CTSO: variants seen among roughly 807,000 people sequenced by gnomAD.
CTSO encodes the protein cathepsin O.
CTSO carries 40 observed loss-of-function variants against 42.4 expected under a neutral mutation model. That is an observed-to-expected ratio of 0.94 (90% CI 0.73 to 1.23). The LOEUF (loss-of-function observed/expected upper bound fraction) is 1.23. Among genes scored for constraint, CTSO ranks in the 50% most tolerant of loss-of-function variants. CTSO has a pLI of 0.00. For synonymous variants in CTSO, 156 were observed against 146.2 expected, an observed-to-expected ratio of 1.07 and a Z score of -0.48; for missense variants, 441 against 396.0, an observed-to-expected ratio of 1.11 and a Z score of -0.96.
chr4:155,926,945 G>A (rs537242689), intron 7 of CTSO, among the ~76,000 whole-genome samples: 8 of 152,232 alleles, frequency 5.3e-5, no homozygotes, highest in South Asian at 4.2e-4. Context: ...TGCTGCAGTC[G>A]GACATAATAT....
chr4:155,935,152 G>A (rs1410377879), intron 5 of CTSO, among the ~76,000 whole-genome samples: 4 of 152,076 alleles, frequency 2.6e-5, no homozygotes, highest in African/African-American at 4.8e-5. Flanking sequence ...TGGGTTTATC[G>A]GGGGTTACGC....
In CTSO at chr4:155,943,271, GA is replaced by G; in HGVS notation, c.136-8del. ...GATGTCTATTAAGACTTTCCTAGAAGAAAAACAAAAACTATTTCATATCCAC... is the reference window on the plus strand; with the variant it reads ...GATGTCTATTAAGACTTTCCTAGAAGAAAACAAAAACTATTTCATATCCAC... On this transcript the variant is annotated splice_region_variant and splice_polypyrimidine_tract_variant and intron_variant, in intron 1 of 7. Coordinates refer to ENST00000433477, the MANE Select transcript of CTSO (RefSeq NM_001334.3). The G allele has an allele frequency of 6.4e-7, 1 of 1,552,152 alleles. No homozygotes were observed. Among genetic ancestry groups the G allele is most frequent in the East Asian group, 2.2e-5 (1 of 44,484 alleles).
At chr4:155,948,548 G>A (rs546034275) in intron 1 of CTSO, among the ~76,000 whole-genome samples, 21 of 152,328 alleles carry the variant, frequency 1.4e-4, no homozygotes, top group African/African-American at 5.1e-4. Context: ...AAGAACTGCA[G>A]AGTAGTCATG....
rs948124104 is a variant in CTSO, at chr4:155,953,749, C to G, written c.99G>C (p.Trp33Cys). 6.2e-6 allele frequency: 8 copies of G among 1,285,620 alleles called. No individual in the cohort carries two copies. The highest frequency in any genetic ancestry group is 3.1e-5 in the East Asian group (1 of 32,064). The allele number at this position is 1,285,620 out of a possible 1,614,324, so 79.6% of individuals were successfully genotyped here. A position where few individuals can be genotyped will look rare whatever the true frequency, so the allele number is the denominator to read the frequency against. Reference sequence around the variant, plus strand: ...CGGCTTCACGCTCGCGGCTCCGCGGCCAGGTCGGGGTGAAGGGGGCGCGGG... The same window carrying G: ...CGGCTTCACGCTCGCGGCTCCGCGGGCAGGTCGGGGTGAAGGGGGCGCGGG... ...ADSRAPFTPT[W>C]PRSREREAAA... is the part of the protein sequence containing the mutation. Residue 33 changes from tryptophan to cysteine, a missense_variant, in exon 1 of 8, where the codon TGG (tryptophan) becomes TGC (cysteine). Transcript: ENST00000433477.
At chr4:155,941,025 G>A (rs76462571) in intron 3 of CTSO, among the ~76,000 whole-genome samples, 2,450 of 152,154 alleles carry the variant, frequency 0.016, 35 homozygotes, top group South Asian at 0.048. Flanking sequence ...GAAAGGATTA[G>A]ATTTATGTCT....
chr4:155,929,266 C>A (rs1401960308), intron 6 of CTSO, among the ~76,000 whole-genome samples: 1 of 152,166 alleles, frequency 6.6e-6, no homozygotes, highest in Non-Finnish European at 1.5e-5. Context: ...CTGTTCGGGG[C>A]TCTCAGCTCT....
intron 3 of CTSO, 54 bp from the exon 4 acceptor site, chr4:155,939,592 A>C (rs936668365): frequency 6.8e-7 from 1 of 1,476,876 alleles, no homozygotes; most frequent in Non-Finnish European, 9.2e-7. Flanking sequence ...TCAACTTACC[A>C]ACATCTCTAA....
chr4:155,950,544 C>A (rs1273319630), intron 1 of CTSO, among the ~76,000 whole-genome samples: 2 of 152,090 alleles, frequency 1.3e-5, no homozygotes, highest in Non-Finnish European at 2.9e-5. Context: ...ACATCAAATT[C>A]GTGTTTTCAT....
intron 2 of CTSO, among the ~76,000 whole-genome samples, 185 bp from the exon 3 acceptor site, chr4:155,942,641 C>G (rs868381674): frequency 6.6e-6 from 1 of 151,396 alleles, no homozygotes; most frequent in South Asian, 2.1e-4. Flanking sequence ...TTGGGAGGAA[C>G]TTTTAAAGAA....
intron 1 of CTSO, among the ~76,000 whole-genome samples, chr4:155,952,222 C>A (rs911607080): frequency 2.0e-5 from 3 of 152,202 alleles, no homozygotes; most frequent in African/African-American, 7.2e-5. Context: ...TTCCATCTTT[C>A]AACCTGTTTC....
At chr4:155,950,091 C>T (rs529023507) in intron 1 of CTSO, among the ~76,000 whole-genome samples, 102 of 152,162 alleles carry the variant, frequency 6.7e-4, no homozygotes, top group Non-Finnish European at 1.3e-3. Flanking sequence ...TGTGTGTAAA[C>T]ATATTGCAGA....
At chr4:155,933,701 G>A (rs775282277) in intron 5 of CTSO, among the ~76,000 whole-genome samples, 40 of 152,166 alleles carry the variant, frequency 2.6e-4, no homozygotes, top group Admixed American at 9.2e-4. Flanking sequence ...TGGAGCAAAG[G>A]TGACTCTTGT....
chr4:155,933,852 G>C (rs555857960), intron 5 of CTSO, among the ~76,000 whole-genome samples: 12 of 152,322 alleles, frequency 7.9e-5, no homozygotes, highest in Admixed American at 5.9e-4. Flanking sequence ...CTTGGGTGCT[G>C]TTAAAAGCAT....
chr4:155,946,575 G>A (rs571665843), intron 1 of CTSO, among the ~76,000 whole-genome samples: 1 of 152,164 alleles, frequency 6.6e-6, no homozygotes. Context: ...AAATGTTGCT[G>A]TCTTCCACTT....
At chr4:155,928,080 A>G (rs1313232190) in intron 7 of CTSO, among the ~76,000 whole-genome samples, 3 of 152,106 alleles carry the variant, frequency 2.0e-5, no homozygotes, top group Non-Finnish European at 4.4e-5. Context: ...TAAAGCAATT[A>G]ACCTTGGTAA....
chr4:155,943,411 T>C (rs1023577131), intron 1 of CTSO, 147 bp from the exon 2 acceptor site: 7 of 497,034 alleles, frequency 1.4e-5, no homozygotes, highest in African/African-American at 7.7e-5. Flanking sequence ...AAGATATCCA[T>C]AGGAGATTCA....
At chr4:155,950,812 A>G (rs1743659328) in intron 1 of CTSO, among the ~76,000 whole-genome samples, 1 of 150,830 alleles carries the variant, frequency 6.6e-6, no homozygotes, top group African/African-American at 2.4e-5. Flanking sequence ...TCTGGGGTGG[A>G]ACAGCTTCAT....
chr4:155,931,368 G>A (rs1490340622), intron 5 of CTSO, among the ~76,000 whole-genome samples: 1 of 152,106 alleles, frequency 6.6e-6, no homozygotes, highest in Non-Finnish European at 1.5e-5. Context: ...GAGAAAAGCA[G>A]AAAGATCAAG....
At chr4:155,943,343 A>T in intron 1 of CTSO, 79 bp from the exon 2 acceptor site, 1 of 779,546 alleles carries the variant, frequency 1.3e-6, no homozygotes, top group Non-Finnish European at 2.1e-6. Flanking sequence ...ACTTGGAGAA[A>T]TTTTTCAATT....
Sources: allele counts gnomAD v4.1 joint callset (sites outside exome capture counted in the v4.1 genomes callset), GRCh38; gene constraint gnomAD v4.1.1; transcripts MANE v1.5; gene names NCBI Gene and HGNC (gene_info 2026-07-23, HGNC 2026-07-21).